PDE9A: variants seen among roughly 807,000 people sequenced by gnomAD.
PDE9A encodes the protein high affinity cGMP-specific 3',5'-cyclic phosphodiesterase 9A.
A neutral mutation model predicts 87.4 loss-of-function variants in PDE9A; 60 were observed. The observed-to-expected ratio is 0.69, with a 90% CI of 0.56 to 0.85. The LOEUF (loss-of-function observed/expected upper bound fraction) is 0.85. Ranked by LOEUF, PDE9A falls within the 40% of genes least tolerant of loss-of-function variation. PDE9A has a pLI of 0.00. For missense variants in PDE9A, 665 were observed against 779.0 expected (o/e 0.85, Z 1.74); for synonymous variants, 272 against 279.4 (o/e 0.97, Z 0.27).
intron 14 of PDE9A, among the ~76,000 whole-genome samples, chr21:42,763,669 T>TCTTCTG: frequency 6.6e-6 from 1 of 152,316 alleles, no homozygotes; most frequent in South Asian, 2.1e-4. Context: ...CAGGGCACCG[T>TCTTCTG]CTTCTGCGGT....
chr21:42,668,856 C>T (rs1440724964), intron 1 of PDE9A, among the ~76,000 whole-genome samples: 1 of 145,710 alleles, frequency 6.9e-6, no homozygotes, highest in Non-Finnish European at 1.5e-5. Flanking sequence ...CATCCTCCGT[C>T]GGGAGAGGAA....
intron 1 of PDE9A, among the ~76,000 whole-genome samples, chr21:42,655,861 G>GC (rs1195620351): frequency 6.8e-6 from 1 of 147,078 alleles, no homozygotes; most frequent in African/African-American, 2.5e-5. Flanking sequence ...CTCCTGAGCT[G>GC]CCCCCGCCCT....
intron 4 of PDE9A, among the ~76,000 whole-genome samples, chr21:42,728,682 G>A (rs888625784): frequency 2.0e-5 from 3 of 151,972 alleles, no homozygotes; most frequent in African/African-American, 7.3e-5. Context: ...TCTGCATTTG[G>A]TATCAGGGTA....
chr21:42,730,947 C>A (rs992761123), intron 4 of PDE9A, among the ~76,000 whole-genome samples: 2 of 152,066 alleles, frequency 1.3e-5, no homozygotes, highest in African/African-American at 2.4e-5. Context: ...GTTTGGGCAG[C>A]TTTGGTTTTG....
At chr21:42,681,017 G>C (rs2839570) in intron 1 of PDE9A, among the ~76,000 whole-genome samples, 1 of 152,172 alleles carries the variant, frequency 6.6e-6, no homozygotes, top group Non-Finnish European at 1.5e-5. Flanking sequence ...CAGTGGGGAC[G>C]TTGAGATTCG....
intron 7 of PDE9A, among the ~76,000 whole-genome samples, chr21:42,742,559 G>A (rs1052946901): frequency 2.1e-5 from 3 of 141,022 alleles, no homozygotes; most frequent in Middle Eastern, 4.1e-3. Context: ...TCCGCCTCCC[G>A]GGTTCAAGCT....
chr21:42,752,551 A>C (rs899830859), intron 9 of PDE9A, among the ~76,000 whole-genome samples: 1 of 152,156 alleles, frequency 6.6e-6, no homozygotes, highest in Admixed American at 6.5e-5. Context: ...TTACAGGCGT[A>C]AGCCAGCCCA....
At chr21:42,674,830 T>C (rs1169794669) in intron 1 of PDE9A, among the ~76,000 whole-genome samples, 1 of 152,244 alleles carries the variant, frequency 6.6e-6, no homozygotes, top group Non-Finnish European at 1.5e-5. Context: ...CAAATAAAAA[T>C]GGTAAAGACC....
intron 17 of PDE9A, among the ~76,000 whole-genome samples, chr21:42,769,431 C>T (rs1360684304): frequency 6.9e-6 from 1 of 145,340 alleles, no homozygotes; most frequent in Admixed American, 6.9e-5. Context: ...CACACTCGTG[C>T]ACACACATGT....
Position 42,695,939 on chromosome 21 carries a change from G to A in PDE9A, c.219-3029G>A, listed in dbSNP as rs1230082751. On this transcript the variant is annotated intron_variant, in intron 3 of 19. Transcript: ENST00000291539. This position sits in a 1 kb window ranked among gnomAD's most constrained non-coding sequence, Gnocchi z 4.3. Reference sequence around the variant, plus strand: ...GCCAAGACTGATCTTGAGTGGCCCAGAAATGCAACCCAAGGATCTTGGGCC... The same window carrying A: ...GCCAAGACTGATCTTGAGTGGCCCAAAAATGCAACCCAAGGATCTTGGGCC... 6.6e-6 allele frequency among the ~76,000 whole-genome samples: 1 copy of A among 152,224 alleles called. No homozygotes were observed. The highest frequency in any genetic ancestry group is 6.5e-5 in the Admixed American group (1 of 15,294).
intron 17 of PDE9A, 60 bp downstream of exon 17, chr21:42,769,215 AGG>A: frequency 6.6e-7 from 1 of 1,504,190 alleles, no homozygotes; most frequent in Non-Finnish European, 9.2e-7. Flanking sequence ...ATGCACACAC[AGG>A]CACACACACA....
intron 4 of PDE9A, among the ~76,000 whole-genome samples, chr21:42,729,632 C>T (rs976224494): frequency 6.6e-6 from 1 of 152,122 alleles, no homozygotes; most frequent in Non-Finnish European, 1.5e-5. Flanking sequence ...AATGAAAGCC[C>T]ATAGTGCTAT....
chr21:42,732,196 A>C, intron 6 of PDE9A, 72 bp downstream of exon 6: 1 of 1,427,634 alleles, frequency 7.0e-7, no homozygotes, highest in Non-Finnish European at 9.7e-7. Context: ...GGCAGGCCCC[A>C]GGCTCTGAGG....
chr21:42,750,448 C>A (rs534514589), intron 8 of PDE9A, among the ~76,000 whole-genome samples: 1 of 149,744 alleles, frequency 6.7e-6, no homozygotes, highest in Non-Finnish European at 1.5e-5. Context: ...GTGAGGACTT[C>A]GGTTTTCATA....
At position 42,702,960 on chromosome 21, in the gene PDE9A, C is replaced by G. The variant is rs1427866689; in HGVS notation, c.262+3949C>G. ...TGCTCAGGGCGCTGGGTCGAGATCACGAAAGGGAAGTGGCAGCAAAGGTGG... is the reference window on the plus strand; with the variant it reads ...TGCTCAGGGCGCTGGGTCGAGATCAGGAAAGGGAAGTGGCAGCAAAGGTGG... On this transcript the variant is annotated intron_variant, in intron 4 of 19. Transcript: ENST00000291539. The surrounding 1 kb of genome is among the most constrained non-coding windows in gnomAD (Gnocchi z 4.9). 6.6e-6 allele frequency among the ~76,000 whole-genome samples: 1 copy of G among 152,098 alleles called. No homozygotes were observed. The highest frequency in any genetic ancestry group is 1.5e-5 in the Non-Finnish European group (1 of 68,046).
rs1386671437 is a variant in PDE9A at position 42,775,305 on chromosome 21, G to T, written c.*12G>T. On this transcript the variant is annotated 3_prime_UTR_variant, in exon 20 of 20. Transcript: ENST00000291539. ...GAGACTGTGCCTGAGGAAAGCGGGG[G>T]GCGTGGCTGCAGTTCTGGACGGGCT... 6.2e-7 allele frequency: 1 copy of T among 1,609,760 alleles called. No individual in the cohort carries two copies. Among genetic ancestry groups the T allele is most frequent in the Non-Finnish European group, 8.5e-7 (1 of 1,178,248 alleles).
At chr21:42,773,893 A>T (rs1328973900) in intron 19 of PDE9A, among the ~76,000 whole-genome samples, 1 of 151,582 alleles carries the variant, frequency 6.6e-6, no homozygotes, top group Non-Finnish European at 1.5e-5. Flanking sequence ...TCACAAGGTC[A>T]GGAGATCGAG....
chr21:42,764,171 C>T (rs1042671607), intron 14 of PDE9A, among the ~76,000 whole-genome samples: 1 of 152,204 alleles, frequency 6.6e-6, no homozygotes, highest in African/African-American at 2.4e-5. Context: ...AGAACCCACT[C>T]GGCGCTGACA....
intron 3 of PDE9A, among the ~76,000 whole-genome samples, chr21:42,693,489 G>A (rs992445327): frequency 2.6e-5 from 4 of 151,530 alleles, no homozygotes; most frequent in Admixed American, 6.6e-5. Flanking sequence ...TAGTAGAGAC[G>A]GGATGTTAGC....
Sources: gnomAD v4.1 joint callset for allele counts (sites outside exome capture counted in the v4.1 genomes callset) on GRCh38, gnomAD v4.1.1 for gene constraint, Gnocchi (gnomAD v3.1) non-coding constraint, MANE v1.5 for transcripts, NCBI Gene and HGNC (gene_info 2026-07-23, HGNC 2026-07-21) for gene names.